HLTF: variants seen among roughly 807,000 people sequenced by gnomAD.
The protein encoded by HLTF is helicase like transcription factor.
In HLTF, 127 loss-of-function variants were observed where a neutral mutation model predicts 129.4. That is an observed-to-expected ratio of 0.98 (90% CI 0.85 to 1.14). The LOEUF (loss-of-function observed/expected upper bound fraction) is 1.14. Among genes scored for constraint, HLTF ranks in the 50% most tolerant of loss-of-function variants. HLTF has a pLI of 0.00. For missense variants in HLTF, 1,139 were observed against 1,187.1 expected (o/e 0.96, Z 0.60); for synonymous variants, 332 against 388.8 (o/e 0.85, Z 1.72).
intron 8 of HLTF, among the ~76,000 whole-genome samples, chr3:149,067,826 C>G (rs1366806673): frequency 6.6e-6 from 1 of 152,114 alleles, no homozygotes; most frequent in Non-Finnish European, 1.5e-5. Context: ...AATTTTAAGA[C>G]TCCTGATACA....
intron 24 of HLTF, among the ~76,000 whole-genome samples, chr3:149,033,533 T>C (rs1477903902): frequency 6.6e-6 from 1 of 151,866 alleles, no homozygotes; most frequent in African/African-American, 2.4e-5. Context: ...GTTATAAGAG[T>C]AATACTGCCC....
At chr3:149,043,244 T>G (rs1004088513) in intron 18 of HLTF, among the ~76,000 whole-genome samples, 1 of 150,998 alleles carries the variant, frequency 6.6e-6, no homozygotes, top group East Asian at 1.9e-4. Context: ...CTGAAACCAA[T>G]ATAAGCCAAT....
chr3:149,039,964 A>G (rs1715982346), intron 21 of HLTF, 67 bp downstream of exon 21: 2 of 1,347,834 alleles, frequency 1.5e-6, no homozygotes, highest in East Asian at 2.4e-5. Context: ...CGATTTTGAT[A>G]TACTGTGTAT....
intron 5 of HLTF, 113 bp from the exon 6 acceptor site, chr3:149,071,770 G>A: frequency 1.4e-6 from 1 of 709,060 alleles, no homozygotes; most frequent in Non-Finnish European, 2.4e-6. Flanking sequence ...AAACGGGCCA[G>A]GAGTGGTGGC....
intron 2 of HLTF, among the ~76,000 whole-genome samples, chr3:149,080,388 A>C (rs1719771006): frequency 7.3e-6 from 1 of 136,570 alleles, no homozygotes; most frequent in Non-Finnish European, 1.5e-5. Context: ...TATACAAGAA[A>C]GCTGCTTCAA....
At chr3:149,043,173 A>G (rs1247614453) in intron 18 of HLTF, among the ~76,000 whole-genome samples, 1 of 151,992 alleles carries the variant, frequency 6.6e-6, no homozygotes, top group Non-Finnish European at 1.5e-5. Context: ...ATGAAAGATG[A>G]GCTGGTATGG....
At chr3:149,078,305 G>A (rs1284864121) in intron 2 of HLTF, among the ~76,000 whole-genome samples, 1 of 152,196 alleles carries the variant, frequency 6.6e-6, no homozygotes, top group African/African-American at 2.4e-5. Context: ...CAGCACTTTA[G>A]GAGGCTGAAG....
chr3:149,058,302 T>C (rs529920422), intron 13 of HLTF, among the ~76,000 whole-genome samples: 3 of 152,104 alleles, frequency 2.0e-5, no homozygotes, highest in Non-Finnish European at 4.4e-5. Flanking sequence ...CTTGAACTCA[T>C]GGGCCTCGGC....
At chr3:149,036,490 T>C (rs960334507) in intron 23 of HLTF, among the ~76,000 whole-genome samples, 1 of 151,952 alleles carries the variant, frequency 6.6e-6, no homozygotes, top group East Asian at 2.0e-4. Context: ...GGTTTCACCA[T>C]GTTGGCCAAG....
Position 149,030,590 on chromosome 3 carries a change from C to CT in HLTF, c.*1629dup, listed in dbSNP as rs1227839465. 6.6e-6 allele frequency: 1 copy of CT among 152,148 alleles called. No individual in the cohort carries two copies. The highest frequency in any genetic ancestry group is 1.5e-5 in the Non-Finnish European group (1 of 68,020). The allele number at this position is 152,148 out of a possible 1,614,324, so 9.4% of individuals were successfully genotyped here. A position where few individuals can be genotyped will look rare whatever the true frequency, so the allele number is the denominator to read the frequency against. On this transcript the variant is annotated 3_prime_UTR_variant, in exon 25 of 25. Transcript: ENST00000310053. ...TATACTTAATCTCACTGAAGTATTG[C>CT]TATATGGAGAACCCATACTCTGATC...
chr3:149,053,907 T>C (rs937792474), intron 14 of HLTF, among the ~76,000 whole-genome samples: 1 of 151,984 alleles, frequency 6.6e-6, no homozygotes, highest in African/African-American at 2.4e-5. Flanking sequence ...ATCCTTCCCA[T>C]AACAAACAAC....
rs544949342 is a variant in HLTF at position 149,044,642 on chromosome 3, A to C, written c.2072+1438T>G. On this transcript the variant is annotated intron_variant, in intron 18 of 24. Transcript: ENST00000310053. ...GAAAATTCACGGGCATCCTATGATC[A>C]ATGTGTCCAAAACTGAGCTTCTGAT... Among the ~76,000 whole-genome samples the C allele has an allele frequency of 1.4e-3, 215 of 152,238 alleles. 2 individuals carry two copies. The highest frequency in any genetic ancestry group is 7.9e-3 in the South Asian group (38 of 4,830).
Position 149,059,780 on chromosome 3 carries a change from A to T in HLTF, c.1313T>A (p.Val438Glu), listed in dbSNP as rs1425611268. 1 of 1,601,618 alleles carries T rather than the reference A, an allele frequency of 6.2e-7. No individual in the cohort carries two copies. The highest frequency in any genetic ancestry group is 1.1e-5 in the South Asian group (1 of 87,428). Residue 438 changes from valine (V) to glutamate (E), a missense_variant, in exon 13 of 25, where the codon GTG becomes GAG. Coordinates refer to ENST00000310053, the MANE Select transcript of HLTF (RefSeq NM_003071.4). The stretch of plus-strand genomic sequence containing the variant: ...TGAAGTTAATGCACATGCAAATGCC[A>T]CATCTTCTATAACCTTAGAAGATCC... ...KAGSSKVIED[V>E]AFACALTSSV...
chr3:149,047,876 A>T (rs530609517), intron 17 of HLTF, 152 bp downstream of exon 17: 24 of 478,984 alleles, frequency 5.0e-5, no homozygotes, highest in African/African-American at 2.8e-4. Flanking sequence ...AACAAGCATC[A>T]CTAGGTTCTG....
intron 10 of HLTF, among the ~76,000 whole-genome samples, chr3:149,062,789 A>G (rs544238395): frequency 1.8e-4 from 28 of 152,334 alleles, no homozygotes; most frequent in African/African-American, 6.3e-4. Flanking sequence ...TTAAATCCAT[A>G]AAGAAAACTT....
chr3:149,043,758 CA>C (rs1268881685), intron 18 of HLTF, among the ~76,000 whole-genome samples: 1 of 152,150 alleles, frequency 6.6e-6, no homozygotes, highest in African/African-American at 2.4e-5. Context: ...GTCATGAATT[CA>C]AAACCTGGCT....
intron 22 of HLTF, 80 bp from the exon 23 acceptor site, chr3:149,039,309 T>G: frequency 9.7e-6 from 10 of 1,026,770 alleles, no homozygotes; most frequent in Non-Finnish European, 1.3e-5. Flanking sequence ...TACAAATCTC[T>G]TCAATAAATT....
In HLTF at chr3:149,060,767, A is replaced by C. The variant is rs995677918; in HGVS notation, c.1240+12T>G. 5.6e-6 allele frequency: 9 copies of C among 1,609,794 alleles called. No homozygotes were observed. The highest frequency in any genetic ancestry group is 6.8e-6 in the Non-Finnish European group (8 of 1,176,280). On this transcript the variant is annotated intron_variant, in intron 11 of 24. Coordinates refer to ENST00000310053, the MANE Select transcript of HLTF (RefSeq NM_003071.4). ...TAGGACACATTATCAAATCAAATCT[A>C]TTACATGTTACCTTTCATTTTCTGC...
chr3:149,040,129 T>C lies in HLTF; in HGVS notation c.2404A>G (p.Asn802Asp), dbSNP rs748851681. 1 of 1,609,006 alleles carries C rather than the reference T, an allele frequency of 6.2e-7. No homozygotes were observed. The highest frequency in any genetic ancestry group is 8.5e-7 in the Non-Finnish European group (1 of 1,178,026). Residue 802 changes from asparagine (N) to aspartate (D), a missense_variant, in exon 21 of 25, where the codon AAT becomes GAT. Transcript: ENST00000310053. ...QPHAKCPLCR[N>D]DIHEDNLLEC... ...AATAAATTATCTTCATGTATATCATTTCTGCATAAAGGGCATTTAGCATGT... is the reference window on the plus strand; with the variant it reads ...AATAAATTATCTTCATGTATATCATCTCTGCATAAAGGGCATTTAGCATGT...
Sources: gnomAD v4.1 joint callset for allele counts (sites outside exome capture counted in the v4.1 genomes callset) on GRCh38, gnomAD v4.1.1 for gene constraint, MANE v1.5 for transcripts, NCBI Gene and HGNC (gene_info 2026-07-23, HGNC 2026-07-21) for gene names.